The following CAMK2N1 variants were observed in gnomAD, a reference collection of about 807,000 sequenced individuals.
CAMK2N1 encodes the protein calcium/calmodulin-dependent protein kinase II inhibitor 1.
CAMK2N1 carries 2 observed loss-of-function variants against 6.4 expected under a neutral mutation model. The observed-to-expected ratio is 0.31, with a 90% confidence interval of 0.13 to 0.98. The LOEUF (loss-of-function observed/expected upper bound fraction) is 0.98. Among genes scored for constraint, CAMK2N1 ranks in the 50% least tolerant of loss-of-function variants. The pLI, the probability that CAMK2N1 is intolerant of heterozygous loss-of-function variation, is 0.51. For synonymous variants in CAMK2N1, 42 were observed against 47.5 expected, an observed-to-expected ratio of 0.88 and a Z score of 0.47; for missense variants, 77 against 107.3, an observed-to-expected ratio of 0.72 and a Z score of 1.25.
rs538125963 is a variant in CAMK2N1, at chr1:20,482,540, T to C, written c.*1109A>G. On this transcript the variant is annotated 3_prime_UTR_variant, in exon 2 of 2. Transcript: ENST00000375078. ...GAGGTCCAAAGTTGCAAACAAAAAATGGTAAAAGATTTCCTCACGCAAGAG... is the reference window on the plus strand; with the variant it reads ...GAGGTCCAAAGTTGCAAACAAAAAACGGTAAAAGATTTCCTCACGCAAGAG... 3 of 152,534 alleles carry C rather than the reference T, an allele frequency of 2.0e-5. No individual in the cohort carries two copies. Among genetic ancestry groups the C allele is most frequent in the African/African-American group, 7.2e-5 (3 of 41,504 alleles). The allele number at this position is 152,534 out of a possible 1,614,324, so 9.4% of individuals were successfully genotyped here.
rs143510553 is a variant in CAMK2N1, at chr1:20,482,856, C to CTT, written c.*792_*793insAA. 1.4e-5 allele frequency: 2 copies of CTT among 146,388 alleles called. No individual in the cohort carries two copies. The highest frequency in any genetic ancestry group is 5.1e-5 in the African/African-American group (2 of 39,210). The allele number at this position is 146,388 out of a possible 1,614,324, so 9.1% of individuals were successfully genotyped here. A position where few individuals can be genotyped will look rare whatever the true frequency, so the allele number is the denominator to read the frequency against. On this transcript the variant is annotated 3_prime_UTR_variant, in exon 2 of 2. Transcript: ENST00000375078. ...CTCAAGCATTTTTTTCTTTGTTTTT[C>CTT]GTGTGTGTGTGTGTGTGTGTGTGTG...
chr1:20,485,155 C>T lies in CAMK2N1; in HGVS notation c.166+59G>A. On this transcript the variant is annotated intron_variant, in intron 1 of 1. Coordinates refer to ENST00000375078, the MANE Select transcript of CAMK2N1 (RefSeq NM_018584.6). This position sits in a 1 kb window ranked among gnomAD's most constrained non-coding sequence, Gnocchi z 8.4. ...CAGCGGGTGGGAGACCTCCGCAACC[C>T]TTGTTCAGGCCGCGGCGCGGGAAAA... 1.3e-6 allele frequency: 2 copies of T among 1,526,702 alleles called. No individual in the cohort carries two copies. The highest frequency in any genetic ancestry group is 5.1e-5 in the East Asian group (2 of 39,416). 94.6% of individuals were successfully genotyped at this position (1,526,702 alleles called of 1,614,324 possible).
In CAMK2N1 at chr1:20,485,298, G is replaced by T. The variant is rs750817234; in HGVS notation, c.82C>A (p.Arg28Ser). ...GGDVGQIFSC[R>S]LQDTNNFFGA... ...AAGAAGTTGTTGGTGTCCTGCAGGC[G>T]GCAGGAGAAGATCTGGCCCACGTCG... The change falls in exon 1 of 2, where the codon CGC becomes AGC. Residue 28 changes from arginine (R) to serine (S), a missense_variant. Arg to Ser is a moderately radical substitution (Grantham distance 110). Coordinates refer to ENST00000375078, the MANE Select transcript of CAMK2N1 (RefSeq NM_018584.6). The surrounding 1 kb of genome is among the most constrained non-coding windows in gnomAD (Gnocchi z 8.4). 1 of 1,595,980 alleles carries T rather than the reference G, an allele frequency of 6.3e-7. No homozygotes were observed. Among genetic ancestry groups the T allele is most frequent in the South Asian group, 1.1e-5 (1 of 88,954 alleles).
At chr1:20,483,805 A>G in intron 1 of CAMK2N1, 86 bp from the exon 2 acceptor site, 1 of 1,206,002 alleles carries the variant, frequency 8.3e-7, no homozygotes, top group Non-Finnish European at 1.2e-6. Flanking sequence ...CCAGAGTGGG[A>G]GGTCGGGAGA....
At position 20,484,555 on chromosome 1, in the gene CAMK2N1, G is replaced by C. The variant is rs2051495180; in HGVS notation, c.166+659C>G. On this transcript the variant is annotated intron_variant, in intron 1 of 1. Transcript: ENST00000375078. The surrounding 1 kb of genome is among the most constrained non-coding windows in gnomAD (Gnocchi z 6.8). ...TCCCGCTTCAGCTCCCCTCTCGGGA[G>C]CTTTGTCTCGGTCTCTGCCACCCTC... 1 of 152,038 alleles carries C rather than the reference G, an allele frequency of 6.6e-6. No individual in the cohort carries two copies. Among genetic ancestry groups the C allele is most frequent in the African/African-American group, 2.4e-5 (1 of 41,324 alleles). The allele number at this position is 152,038 out of a possible 1,614,324, so 9.4% of individuals were successfully genotyped here.
rs528415246 is a variant in CAMK2N1, at chr1:20,484,311, A to T, written c.167-592T>A. 3.9e-5 allele frequency: 6 copies of T among 153,034 alleles called. No homozygotes were observed. The East Asian group carries it at 7.7e-4, about 20-fold the overall frequency. The allele number at this position is 153,034 out of a possible 1,614,324, so 9.5% of individuals were successfully genotyped here. A position where few individuals can be genotyped will look rare whatever the true frequency, so the allele number is the denominator to read the frequency against. ...CGCGCTCCCCGCTGCCGCAGAGGTC[A>T]GAGCCTCCCTTCGCTGCCTGCCAGG... On this transcript the variant is annotated intron_variant, in intron 1 of 1. Coordinates refer to ENST00000375078, the MANE Select transcript of CAMK2N1 (RefSeq NM_018584.6). This position sits in a 1 kb window ranked among gnomAD's most constrained non-coding sequence, Gnocchi z 6.8.
At position 20,485,363 on chromosome 1, in the gene CAMK2N1, G is replaced by T; in HGVS notation, c.17C>A (p.Pro6His). Reference sequence around the variant, plus strand: ...GGGGCTCAGCTTCTCGTCGCCGTAGGGCAGCACCTCCGACATGGTCGCGTC... The same window carrying T: ...GGGGCTCAGCTTCTCGTCGCCGTAGTGCAGCACCTCCGACATGGTCGCGTC... MSEVLPYGDEKLSPYG... is the reference protein window; with the variant it reads MSEVLHYGDEKLSPYG... Residue 6 changes from proline (P) to histidine (H), a missense_variant, in exon 1 of 2, where the codon CCC becomes CAC. Physicochemically the swap from Pro to His is moderately conservative, Grantham distance 77. Coordinates refer to ENST00000375078, the MANE Select transcript of CAMK2N1 (RefSeq NM_018584.6). This position sits in a 1 kb window ranked among gnomAD's most constrained non-coding sequence, Gnocchi z 8.4. The T allele has an allele frequency of 6.8e-7, 1 of 1,474,652 alleles. No individual in the cohort carries two copies. The allele number at this position is 1,474,652 out of a possible 1,614,324, so 91.3% of individuals were successfully genotyped here.
chr1:20,485,504 T>G lies in CAMK2N1; in HGVS notation c.-125A>C, dbSNP rs1432898816. On this transcript the variant is annotated 5_prime_UTR_variant, in exon 1 of 2. Transcript: ENST00000375078. The surrounding 1 kb of genome is among the most constrained non-coding windows in gnomAD (Gnocchi z 8.4). The stretch of plus-strand genomic sequence containing the variant: ...GACGGCCCGCGGGCTGCTGCGGCGG[T>G]GGCGCCGGCGAGAGGCCGGGGGACG... 6 of 657,100 alleles carry G rather than the reference T, an allele frequency of 9.1e-6. No individual in the cohort carries two copies. The highest frequency in any genetic ancestry group is 9.4e-6 in the Non-Finnish European group (5 of 533,046). The allele number at this position is 657,100 out of a possible 1,614,324, so 40.7% of individuals were successfully genotyped here. A position where few individuals can be genotyped will look rare whatever the true frequency, so the allele number is the denominator to read the frequency against.
Position 20,484,434 on chromosome 1 carries a change from C to A in CAMK2N1, c.167-715G>T, listed in dbSNP as rs1465337057. ...CTCGGCGCGACGGCCGGCAGCCGAT[C>A]GAGGTCTCTGTCTCTCCCTGTCTAA... is the stretch of plus-strand genomic sequence containing the variant. On this transcript the variant is annotated intron_variant, in intron 1 of 1. Coordinates refer to ENST00000375078, the MANE Select transcript of CAMK2N1 (RefSeq NM_018584.6). This position sits in a 1 kb window ranked among gnomAD's most constrained non-coding sequence, Gnocchi z 6.8. 6.6e-6 allele frequency: 1 copy of A among 152,342 alleles called. No individual in the cohort carries two copies. The highest frequency in any genetic ancestry group is 1.9e-4 in the East Asian group (1 of 5,174). 9.4% of individuals were successfully genotyped at this position (152,342 alleles called of 1,614,324 possible).
At position 20,485,069 on chromosome 1, in the gene CAMK2N1, A is replaced by T; in HGVS notation, c.166+145T>A. 3.1e-6 allele frequency: 3 copies of T among 961,398 alleles called. No individual in the cohort carries two copies. The Admixed American group carries it at 1.0e-4, about 34-fold the overall frequency. 59.6% of individuals were successfully genotyped at this position (961,398 alleles called of 1,614,324 possible). A position where few individuals can be genotyped will look rare whatever the true frequency, so the allele number is the denominator to read the frequency against. ...CGTTCCTGCGACCCGCTTCAGCCGG[A>T]CCCGCAGTGCGGGATCCCCCAATTC... is the stretch of plus-strand genomic sequence containing the variant. On this transcript the variant is annotated intron_variant, in intron 1 of 1. Coordinates refer to ENST00000375078, the MANE Select transcript of CAMK2N1 (RefSeq NM_018584.6). The surrounding 1 kb of genome is among the most constrained non-coding windows in gnomAD (Gnocchi z 8.4).
rs1412845737 is a variant in CAMK2N1, at chr1:20,484,443, T to G, written c.167-724A>C. 6.6e-6 allele frequency: 1 copy of G among 152,286 alleles called. No homozygotes were observed. The highest frequency in any genetic ancestry group is 2.4e-5 in the African/African-American group (1 of 41,460). The allele number at this position is 152,286 out of a possible 1,614,324, so 9.4% of individuals were successfully genotyped here. A position where few individuals can be genotyped will look rare whatever the true frequency, so the allele number is the denominator to read the frequency against. ...ACGGCCGGCAGCCGATCGAGGTCTC[T>G]GTCTCTCCCTGTCTAAGGTGTCGGT... On this transcript the variant is annotated intron_variant, in intron 1 of 1. Coordinates refer to ENST00000375078, the MANE Select transcript of CAMK2N1 (RefSeq NM_018584.6). This position sits in a 1 kb window ranked among gnomAD's most constrained non-coding sequence, Gnocchi z 6.8.
chr1:20,483,448 A>G lies in CAMK2N1; in HGVS notation c.*201T>C. The G allele has an allele frequency of 2.5e-6, 1 of 404,414 alleles. No individual in the cohort carries two copies. The highest frequency in any genetic ancestry group is 4.4e-6 in the Non-Finnish European group (1 of 226,980). 25.1% of individuals were successfully genotyped at this position (404,414 alleles called of 1,614,324 possible). On this transcript the variant is annotated 3_prime_UTR_variant, in exon 2 of 2. Coordinates refer to ENST00000375078, the MANE Select transcript of CAMK2N1 (RefSeq NM_018584.6). ...TATTTTTTTATTTTTATTTTTGCAG[A>G]GGAGCCCAGAGCCTTCTCCTCCTCC...
rs2051502300 is a variant in CAMK2N1, at chr1:20,485,321, T to C, written c.59A>G (p.Asp20Gly). The C allele has an allele frequency of 6.3e-7, 1 of 1,580,178 alleles. No homozygotes were observed. The highest frequency in any genetic ancestry group is 1.4e-5 in the African/African-American group (1 of 73,738). Residue 20 changes from aspartate to glycine, a missense_variant, in exon 1 of 2, where the codon GAC (aspartate) becomes GGC (glycine). Transcript: ENST00000375078. This position sits in a 1 kb window ranked among gnomAD's most constrained non-coding sequence, Gnocchi z 8.4. Reference protein sequence around the residue: ...EKLSPYGDGGDVGQIFSCRLQ... With the variant: ...EKLSPYGDGGGVGQIFSCRLQ... The stretch of plus-strand genomic sequence containing the variant: ...GCGGCAGGAGAAGATCTGGCCCACG[T>C]CGCCGCCGTCGCCGTAGGGGCTCAG...
Position 20,485,494 on chromosome 1 carries a change from G to T in CAMK2N1, c.-115C>A. ...GCCGGCCGGGGACGGCCCGCGGGCT[G>T]CTGCGGCGGTGGCGCCGGCGAGAGG... On this transcript the variant is annotated 5_prime_UTR_variant, in exon 1 of 2. Transcript: ENST00000375078. This position sits in a 1 kb window ranked among gnomAD's most constrained non-coding sequence, Gnocchi z 8.4. The T allele has an allele frequency of 1.3e-6, 1 of 747,994 alleles. No individual in the cohort carries two copies. Among genetic ancestry groups the T allele is most frequent in the Non-Finnish European group, 1.6e-6 (1 of 614,390 alleles). The allele number at this position is 747,994 out of a possible 1,614,324, so 46.3% of individuals were successfully genotyped here.
rs1442697509 is a variant in CAMK2N1 at position 20,483,860 on chromosome 1, C to T, written c.167-141G>A. 17 of 712,798 alleles carry T rather than the reference C, an allele frequency of 2.4e-5. No homozygotes were observed. In the Admixed American group the frequency reaches 3.6e-4, roughly 15 times the overall value. 44.2% of individuals were successfully genotyped at this position (712,798 alleles called of 1,614,324 possible). On this transcript the variant is annotated intron_variant, in intron 1 of 1. Coordinates refer to ENST00000375078, the MANE Select transcript of CAMK2N1 (RefSeq NM_018584.6). ...GGCTCACTGCGCGGTGAAACAGCTC[C>T]ATCCTCCGTCCCTGCCAGGGGTCCC...
Position 20,486,102 on chromosome 1 carries a change from GA to G in CAMK2N1, c.-724del. 6.5e-6 allele frequency: 1 copy of G among 153,468 alleles called. No homozygotes were observed. The allele number at this position is 153,468 out of a possible 1,614,324, so 9.5% of individuals were successfully genotyped here. A position where few individuals can be genotyped will look rare whatever the true frequency, so the allele number is the denominator to read the frequency against. ...ACAGGGGAAAGATGAGAGGAGGAGGGAAAGGATCGGGAGGGAGAGGAAGAGG... is the reference window on the plus strand; with the variant it reads ...ACAGGGGAAAGATGAGAGGAGGAGGGAAGGATCGGGAGGGAGAGGAAGAGG... On this transcript the variant is annotated 5_prime_UTR_variant, in exon 1 of 2. Transcript: ENST00000375078. This position sits in a 1 kb window ranked among gnomAD's most constrained non-coding sequence, Gnocchi z 6.5.
In CAMK2N1 at chr1:20,484,002, C is replaced by G. The variant is rs1449080579; in HGVS notation, c.167-283G>C. 6.6e-6 allele frequency among the ~76,000 whole-genome samples: 1 copy of G among 152,250 alleles called. No individual in the cohort carries two copies. Among genetic ancestry groups the G allele is most frequent in the Non-Finnish European group, 1.5e-5 (1 of 68,040 alleles). On this transcript the variant is annotated intron_variant, in intron 1 of 1. Transcript: ENST00000375078. The surrounding 1 kb of genome is among the most constrained non-coding windows in gnomAD (Gnocchi z 6.8). Reference sequence around the variant, plus strand: ...CCAGCCGCTCCTGCTGCAGCCAGGGCGCGCACTGGCCCGCGTCCTCCCCGC... The same window carrying G: ...CCAGCCGCTCCTGCTGCAGCCAGGGGGCGCACTGGCCCGCGTCCTCCCCGC...
Position 20,483,784 on chromosome 1 carries a change from T to G in CAMK2N1, c.167-65A>C. The G allele has an allele frequency of 2.1e-6, 3 of 1,438,580 alleles. No homozygotes were observed. The South Asian group carries it at 3.4e-5, about 16-fold the overall frequency. The allele number at this position is 1,438,580 out of a possible 1,614,324, so 89.1% of individuals were successfully genotyped here. ...GGCCTAGCCAGAGGTCTCTGACATT[T>G]CCCGTTATGCCCAGAGTGGGAGGTC... On this transcript the variant is annotated intron_variant, in intron 1 of 1. Coordinates refer to ENST00000375078, the MANE Select transcript of CAMK2N1 (RefSeq NM_018584.6).
chr1:20,483,050 ACTT>A lies in CAMK2N1; in HGVS notation c.*596_*598del, dbSNP rs1192992030. ...TCTTGTTTTAAACACATTCCTGATAACTTCTAAAGATGACCAAAATAAAACAGA... is the reference window on the plus strand; with the variant it reads ...TCTTGTTTTAAACACATTCCTGATAACTAAAGATGACCAAAATAAAACAGA... On this transcript the variant is annotated 3_prime_UTR_variant, in exon 2 of 2. Transcript: ENST00000375078. The A allele has an allele frequency of 6.6e-6, 1 of 152,600 alleles. No individual in the cohort carries two copies. The highest frequency in any genetic ancestry group is 1.5e-5 in the Non-Finnish European group (1 of 68,044). The allele number at this position is 152,600 out of a possible 1,614,324, so 9.5% of individuals were successfully genotyped here. A position where few individuals can be genotyped will look rare whatever the true frequency, so the allele number is the denominator to read the frequency against.
Sources: gnomAD v4.1 joint callset for allele counts (sites outside exome capture counted in the v4.1 genomes callset) on GRCh38, gnomAD v4.1.1 for gene constraint, Gnocchi (gnomAD v3.1) non-coding constraint, MANE v1.5 for transcripts, NCBI Gene and HGNC (gene_info 2026-07-23, HGNC 2026-07-21) for gene names.